Variants in ASIC2 observed in about 807,000 individuals in gnomAD.
ASIC2 encodes acid-sensing ion channel 2.
In ASIC2, 25 loss-of-function variants were observed where a neutral mutation model predicts 57.3. That is an observed-to-expected ratio of 0.44 (90% CI 0.32 to 0.61). The LOEUF (loss-of-function observed/expected upper bound fraction) is 0.61. ASIC2 is among the 20% of genes least tolerant of loss of function. The pLI is 0.06. For missense variants in ASIC2, 641 were observed against 738.1 expected (o/e 0.87, Z 1.52); for synonymous variants, 319 against 307.5 (o/e 1.04, Z -0.39).
chr17:33,619,063 A>T (rs1302810252), intron 1 of ASIC2, among the ~76,000 whole-genome samples: 1 of 152,204 alleles, frequency 6.6e-6, no homozygotes, highest in Non-Finnish European at 1.5e-5. Flanking sequence ...ACCATAAGGC[A>T]TAGAAAACAG....
At chr17:33,453,320 T>G (rs998525351) in intron 1 of ASIC2, among the ~76,000 whole-genome samples, 31 of 151,954 alleles carry the variant, frequency 2.0e-4, no homozygotes, top group Non-Finnish European at 2.2e-4. Context: ...TTTTACATTC[T>G]GAGTCTATGG....
intron 3 of ASIC2, among the ~76,000 whole-genome samples, chr17:33,055,805 G>A (rs1458204350): frequency 6.6e-5 from 10 of 152,162 alleles, no homozygotes; most frequent in Non-Finnish European, 1.5e-5. Context: ...AAAAGCGACT[G>A]CGCCATGTTC....
intron 1 of ASIC2, among the ~76,000 whole-genome samples, chr17:33,443,342 G>T (rs1597729233): frequency 6.7e-6 from 1 of 150,042 alleles, no homozygotes; most frequent in East Asian, 2.0e-4. Context: ...CTTTAAAAAT[G>T]TGATAGAAGT....
chr17:33,342,413 G>A (rs1424500876), intron 1 of ASIC2, among the ~76,000 whole-genome samples: 5 of 152,064 alleles, frequency 3.3e-5, no homozygotes, highest in African/African-American at 1.2e-4. Flanking sequence ...TTGTAAGCAT[G>A]TGGTTCTTGT....
At chr17:34,092,147 G>C (rs1000215020) in intron 1 of ASIC2, among the ~76,000 whole-genome samples, 21 of 152,188 alleles carry the variant, frequency 1.4e-4, no homozygotes, top group African/African-American at 5.1e-4. Flanking sequence ...CCCAAAATGA[G>C]GTCATGTGCA....
intron 1 of ASIC2, among the ~76,000 whole-genome samples, chr17:34,098,736 A>G (rs1910634673): frequency 1.3e-5 from 2 of 152,116 alleles, no homozygotes. Context: ...TATGAACCAC[A>G]CTAAAGGCGA....
intron 3 of ASIC2, among the ~76,000 whole-genome samples, chr17:33,050,195 T>G (rs903886039): frequency 6.6e-6 from 1 of 152,094 alleles, no homozygotes; most frequent in Non-Finnish European, 1.5e-5. Flanking sequence ...GCTGGGAAAT[T>G]TTTTCAGATC....
At chr17:34,120,736 TTTC>T (rs1911592402) in intron 1 of ASIC2, among the ~76,000 whole-genome samples, 1 of 137,288 alleles carries the variant, frequency 7.3e-6, no homozygotes. Flanking sequence ...TTTTTTTTTT[TTTC>T]TTTTTTTTTT....
intron 1 of ASIC2, among the ~76,000 whole-genome samples, chr17:33,200,232 C>T (rs1360524612): frequency 6.6e-6 from 1 of 152,174 alleles, no homozygotes; most frequent in African/African-American, 2.4e-5. Context: ...GCGAGTCTCA[C>T]ATCTGTCTGT....
At chr17:33,698,577 G>T (rs1567692092) in intron 1 of ASIC2, among the ~76,000 whole-genome samples, 1 of 152,184 alleles carries the variant, frequency 6.6e-6, no homozygotes, top group Admixed American at 6.5e-5. Flanking sequence ...GAGAAAGTGT[G>T]AGACATAAGT....
At chr17:33,874,908 C>T (rs923601953) in intron 1 of ASIC2, among the ~76,000 whole-genome samples, 1 of 152,204 alleles carries the variant, frequency 6.6e-6, no homozygotes, top group Non-Finnish European at 1.5e-5. Flanking sequence ...CAGTCTTGCC[C>T]CTCCTTCCCA....
intron 1 of ASIC2, among the ~76,000 whole-genome samples, chr17:34,093,418 G>A (rs1212846520): frequency 2.0e-5 from 3 of 152,178 alleles, no homozygotes. Context: ...CAGACAAAAA[G>A]CGGTGGGTTA....
intron 1 of ASIC2, among the ~76,000 whole-genome samples, chr17:33,233,763 C>A (rs1338376914): frequency 6.6e-6 from 1 of 151,996 alleles, no homozygotes; most frequent in Non-Finnish European, 1.5e-5. Context: ...TAAAAAGAAT[C>A]CCTCGTTCTA....
At position 34,078,659 on chromosome 17, in the gene ASIC2, G is replaced by A. The variant is rs532739855; in HGVS notation, c.555+77319C>T. On this transcript the variant is annotated intron_variant, in intron 1 of 9. Coordinates refer to the ASIC2 transcript ENST00000359872. ...GGGATGGGGCTGGGGGCACTTGGGG[G>A]AAACAGAAGCAGCCCCCAGCACTTT... Among the ~76,000 whole-genome samples the A allele has an allele frequency of 5.3e-5, 8 of 152,250 alleles. No individual in the cohort carries two copies. The South Asian group carries it at 1.5e-3, about 28-fold the overall frequency.
At position 33,696,599 on chromosome 17, in the gene ASIC2, C is replaced by T. The variant is rs544507546; in HGVS notation, c.555+459379G>A. 2.6e-5 allele frequency among the ~76,000 whole-genome samples: 4 copies of T among 152,252 alleles called. No individual in the cohort carries two copies. In the East Asian group the frequency reaches 7.7e-4, roughly 29 times the overall value. The stretch of plus-strand genomic sequence containing the variant: ...AGGTGGGTCTATACATTTTTCCGTT[C>T]GTTCATTATCAGTACAGTTGACTCT... On this transcript the variant is annotated intron_variant, in intron 1 of 9. Transcript: ENST00000359872.
At chr17:33,720,585 A>G (rs999033835) in intron 1 of ASIC2, among the ~76,000 whole-genome samples, 3 of 152,230 alleles carry the variant, frequency 2.0e-5, no homozygotes, top group Non-Finnish European at 4.4e-5. Flanking sequence ...TACCACAAGT[A>G]CTCAAGAGTA....
intron 1 of ASIC2, among the ~76,000 whole-genome samples, chr17:33,925,484 G>C (rs1915804557): frequency 6.6e-6 from 1 of 152,170 alleles, no homozygotes; most frequent in African/African-American, 2.4e-5. Context: ...AGACCTCTCA[G>C]GGGAGTGTGG....
At chr17:33,047,738 G>GGCTGAGGCTTTCTTTTCCACTAA (rs2091960938) in intron 3 of ASIC2, among the ~76,000 whole-genome samples, 4 of 152,146 alleles carry the variant, frequency 2.6e-5, no homozygotes, top group Admixed American at 6.5e-5. Flanking sequence ...AGTTGTATAT[G>GGCTGAGGCTTTCTTTTCCACTAA]ATTGAGCCAG....
intron 1 of ASIC2, chr17:33,980,797 C>CT (rs1292018178): frequency 2.0e-5 from 3 of 152,196 alleles, no homozygotes; most frequent in African/African-American, 7.2e-5. Context: ...GCCTGAGCCC[C>CT]TTTCCCCAGT....
Sources: gnomAD v4.1 joint callset for allele counts (sites outside exome capture counted in the v4.1 genomes callset) on GRCh38, gnomAD v4.1.1 for gene constraint, MANE v1.5 for transcripts, NCBI Gene and HGNC (gene_info 2026-07-23, HGNC 2026-07-21) for gene names.